RNGTT: variants seen among roughly 807,000 people sequenced by gnomAD.
RNGTT encodes the protein mRNA-capping enzyme.
Under a neutral mutation model 79.3 loss-of-function variants are expected in RNGTT, and 33 were observed. That is an observed-to-expected ratio of 0.42 (90% CI 0.32 to 0.56). The LOEUF (loss-of-function observed/expected upper bound fraction) is 0.56. Among genes scored for constraint, RNGTT ranks in the 20% least tolerant of loss-of-function variants. The pLI is 0.17. For missense variants in RNGTT, 497 were observed against 739.1 expected (o/e 0.67, Z 3.80); for synonymous variants, 222 against 235.9 (o/e 0.94, Z 0.54).
chr6:88,711,570 G>A lies in RNGTT; in HGVS notation c.1440-33151C>T, dbSNP rs146019482. On this transcript the variant is annotated intron_variant, in intron 13 of 15. Transcript: ENST00000369485. ...ATGCAATTCTGCTTAGTGGGTCTTA[G>A]ACTATCAATGTACTTTGGATAATAT... is the stretch of plus-strand genomic sequence containing the variant. 8.5e-5 allele frequency among the ~76,000 whole-genome samples: 13 copies of A among 152,274 alleles called. No homozygotes were observed. The East Asian group carries it at 2.5e-3, about 29-fold the overall frequency.
At chr6:88,949,463 CA>C (rs1248366647) in intron 1 of RNGTT, among the ~76,000 whole-genome samples, 1 of 151,934 alleles carries the variant, frequency 6.6e-6, no homozygotes, top group Admixed American at 6.6e-5. Context: ...GGGGTTTCAC[CA>C]TATTGGCCAG....
intron 14 of RNGTT, among the ~76,000 whole-genome samples, chr6:88,654,110 A>G (rs1046711715): frequency 1.3e-5 from 2 of 152,060 alleles, no homozygotes; most frequent in African/African-American, 4.8e-5. Flanking sequence ...GTTGCTCGAC[A>G]CTCAGCAGTA....
Position 88,888,043 on chromosome 6 carries a change from G to A in RNGTT, c.896+2452C>T, listed in dbSNP as rs145003266. ...GAGGTGGGAGAATGACTTGAGCCCA[G>A]GAGGTCAAGGTTGCAGTGAGCAATC... On this transcript the variant is annotated intron_variant, in intron 8 of 15. Coordinates refer to ENST00000369485, the MANE Select transcript of RNGTT (RefSeq NM_003800.5). Among the ~76,000 whole-genome samples, 685 of 152,238 alleles carry A rather than the reference G, an allele frequency of 4.5e-3. 5 individuals carry two copies. Among genetic ancestry groups the A allele is most frequent in the African/African-American group, 0.015 (629 of 41,518 alleles).
intron 4 of RNGTT, among the ~76,000 whole-genome samples, chr6:88,925,585 C>T (rs1314912098): frequency 6.7e-6 from 1 of 148,264 alleles, no homozygotes; most frequent in African/African-American, 2.5e-5. Context: ...ACGGCAAGAC[C>T]TTACCTCATA....
At chr6:88,852,117 T>C (rs1781694003) in intron 9 of RNGTT, among the ~76,000 whole-genome samples, 2 of 152,074 alleles carry the variant, frequency 1.3e-5, no homozygotes, top group Admixed American at 1.3e-4. Context: ...CTAAACTACC[T>C]CAGGACTTAA....
At chr6:88,617,485 T>A (rs1772276211) in intron 14 of RNGTT, among the ~76,000 whole-genome samples, 1 of 152,204 alleles carries the variant, frequency 6.6e-6, no homozygotes, top group African/African-American at 2.4e-5. Context: ...TGGCAAATCA[T>A]TTGGCCATAT....
chr6:88,647,001 C>T (rs574684167), intron 14 of RNGTT, among the ~76,000 whole-genome samples: 68 of 151,986 alleles, frequency 4.5e-4, no homozygotes, highest in Admixed American at 3.5e-3. Flanking sequence ...TGCACATGTA[C>T]CCTAGAACTT....
At chr6:88,810,555 A>G (rs1020194689) in intron 11 of RNGTT, among the ~76,000 whole-genome samples, 11 of 152,192 alleles carry the variant, frequency 7.2e-5, no homozygotes, top group African/African-American at 2.7e-4. Flanking sequence ...GAGTTAGCAA[A>G]AAGTCAAAAA....
At chr6:88,745,762 T>TAA (rs566622111) in intron 13 of RNGTT, among the ~76,000 whole-genome samples, 1 of 144,630 alleles carries the variant, frequency 6.9e-6, no homozygotes, top group African/African-American at 2.5e-5. Context: ...TGTGTCGTAT[T>TAA]AAAAAAAAAA....
intron 12 of RNGTT, 61 bp downstream of exon 12, chr6:88,801,503 T>C (rs1425598408): frequency 1.5e-6 from 2 of 1,308,984 alleles, no homozygotes; most frequent in Admixed American, 1.7e-5. Flanking sequence ...TATATGTATA[T>C]CTGTGTACAC....
chr6:88,934,745 G>A (rs1489527728), intron 2 of RNGTT, among the ~76,000 whole-genome samples: 4 of 152,062 alleles, frequency 2.6e-5, no homozygotes, highest in Non-Finnish European at 4.4e-5. Context: ...GGCTCAAGCA[G>A]TCATCCTGCC....
intron 14 of RNGTT, among the ~76,000 whole-genome samples, chr6:88,626,009 AG>A (rs1197621547): frequency 6.6e-6 from 1 of 151,992 alleles, no homozygotes; most frequent in Non-Finnish European, 1.5e-5. Flanking sequence ...TACTGTTCTA[AG>A]GGTTCTGCAT....
chr6:88,908,930 G>A (rs1783745665), intron 4 of RNGTT, among the ~76,000 whole-genome samples: 1 of 151,776 alleles, frequency 6.6e-6, no homozygotes, highest in Non-Finnish European at 1.5e-5. Flanking sequence ...GCAGCCTGCT[G>A]GCTGATCCTA....
chr6:88,612,757 G>T lies in RNGTT; in HGVS notation c.1756C>A (p.Pro586Thr). ...HHLDPDTELM[P>T]PPPPKRPRPL... ...CGTGGTCTTTTGGGAGGTGGTGGTG[G>T]CATGAGCTCCGTGTCAGGGTCCAGA... The change falls in exon 16 of 16, where the codon CCA becomes ACA. Residue 586 changes from proline (P) to threonine (T), a missense_variant. By Grantham distance (38) the Pro-to-Thr change is conservative. Coordinates refer to ENST00000369485, the MANE Select transcript of RNGTT (RefSeq NM_003800.5). 1.2e-6 allele frequency: 2 copies of T among 1,613,100 alleles called. No individual in the cohort carries two copies. Among genetic ancestry groups the T allele is most frequent in the Non-Finnish European group, 1.7e-6 (2 of 1,179,900 alleles).
chr6:88,614,330 C>G lies in RNGTT; in HGVS notation c.1572G>C (p.Trp524Cys), dbSNP rs1368421037. The change falls in exon 15 of 16, where the codon TGG (tryptophan) becomes TGC (cysteine). Residue 524 changes from tryptophan to cysteine, a missense_variant. By Grantham distance (215) the Trp-to-Cys change is radical. Coordinates refer to ENST00000369485, the MANE Select transcript of RNGTT (RefSeq NM_003800.5). ...IIECKFENNS[W>C]VFMRQRTDKS... ...TGTCTGTTCTCTGTCTCATGAAGAC[C>G]CAGCTGTTGTTCTCAAATTTGCATT... 6.2e-7 allele frequency: 1 copy of G among 1,613,556 alleles called. No homozygotes were observed. Among genetic ancestry groups the G allele is most frequent in the Admixed American group, 1.7e-5 (1 of 60,014 alleles).
intron 4 of RNGTT, among the ~76,000 whole-genome samples, chr6:88,912,666 G>A (rs1427262112): frequency 2.0e-5 from 3 of 151,990 alleles, no homozygotes; most frequent in Non-Finnish European, 4.4e-5. Flanking sequence ...AAAAAAAAGA[G>A]GGAAGATCCA....
At chr6:88,717,238 A>G (rs1264306520) in intron 13 of RNGTT, among the ~76,000 whole-genome samples, 1 of 152,228 alleles carries the variant, frequency 6.6e-6, no homozygotes, top group African/African-American at 2.4e-5. Context: ...TTATTGTTCA[A>G]TATAATACTT....
chr6:88,875,638 T>A (rs940782099), intron 8 of RNGTT, among the ~76,000 whole-genome samples: 2 of 152,160 alleles, frequency 1.3e-5, no homozygotes, highest in Non-Finnish European at 2.9e-5. Flanking sequence ...TTATTCACAA[T>A]GCTATCTTAC....
At chr6:88,619,686 T>C (rs1772371690) in intron 14 of RNGTT, among the ~76,000 whole-genome samples, 1 of 152,250 alleles carries the variant, frequency 6.6e-6, no homozygotes, top group African/African-American at 2.4e-5. Flanking sequence ...ATTTTTTTCT[T>C]TTCTGAAGTT....
Sources: allele counts gnomAD v4.1 joint callset (sites outside exome capture counted in the v4.1 genomes callset), GRCh38; gene constraint gnomAD v4.1.1; transcripts MANE v1.5; gene names NCBI Gene and HGNC (gene_info 2026-07-23, HGNC 2026-07-21).